TAB2: variants seen among roughly 807,000 people sequenced by gnomAD.
TAB2 encodes TGF-beta activated kinase 1 (MAP3K7) binding protein 2.
A neutral mutation model predicts 65.0 loss-of-function variants in TAB2; 3 were observed. The ratio of observed to expected loss-of-function variants is 0.05; its 90% CI spans 0.02 to 0.12. The LOEUF is 0.12. TAB2 is among the 10% of genes least tolerant of loss of function. The pLI is 1.00. For synonymous variants in TAB2, 298 were observed against 285.1 expected, an observed-to-expected ratio of 1.05 and a Z score of -0.46; for missense variants, 623 against 840.3, an observed-to-expected ratio of 0.74 and a Z score of 3.20.
chr6:149,274,303 T>A (rs1583059175), intron 1 of TAB2, among the ~76,000 whole-genome samples: 1 of 152,260 alleles, frequency 6.6e-6, no homozygotes, highest in East Asian at 1.9e-4. Context: ...GAGCACTTGC[T>A]CTCAGTAACG....
At chr6:149,246,203 C>G (rs913147159) in intron 1 of TAB2, 5 of 152,304 alleles carry the variant, frequency 3.3e-5, no homozygotes, top group Admixed American at 1.3e-4. Flanking sequence ...AGGCATGAGC[C>G]ACCACGCCCG....
chr6:149,300,101 C>G (rs73609058), intron 1 of TAB2, among the ~76,000 whole-genome samples: 3,490 of 152,142 alleles, frequency 0.023, 110 homozygotes, highest in African/African-American at 0.075. Flanking sequence ...ATTTTTGTCT[C>G]TATGTATTAA....
At chr6:149,288,782 T>C (rs568721062) in intron 1 of TAB2, among the ~76,000 whole-genome samples, 1 of 152,224 alleles carries the variant, frequency 6.6e-6, no homozygotes, top group South Asian at 2.1e-4. Flanking sequence ...AGCTTTATTT[T>C]AAGGCAATGG....
intron 1 of TAB2, among the ~76,000 whole-genome samples, chr6:149,280,778 A>C (rs1020232427): frequency 6.6e-6 from 1 of 152,080 alleles, no homozygotes; most frequent in Non-Finnish European, 1.5e-5. Context: ...CATCTCTACA[A>C]AAAATTAGTC....
intron 6 of TAB2, among the ~76,000 whole-genome samples, chr6:149,405,688 A>G (rs1782639973): frequency 6.6e-6 from 1 of 152,200 alleles, no homozygotes; most frequent in African/African-American, 2.4e-5. Context: ...GTAGAATTCA[A>G]AAATATCAAA....
chr6:149,261,270 A>G (rs1778147198), intron 1 of TAB2, among the ~76,000 whole-genome samples: 1 of 152,200 alleles, frequency 6.6e-6, no homozygotes, highest in African/African-American at 2.4e-5. Flanking sequence ...ATAAAGGAAA[A>G]TGAAGAGGCA....
chr6:149,297,074 CTT>C (rs1484005697), intron 1 of TAB2, among the ~76,000 whole-genome samples: 3 of 151,938 alleles, frequency 2.0e-5, no homozygotes, highest in Admixed American at 6.6e-5. Flanking sequence ...CTCTCTCTCT[CTT>C]TCTTCTCCTC....
rs1583049186 is a variant in TAB2 at position 149,254,121 on chromosome 6, A to AAGGAAGGAC, written c.-121+35348_-121+35349insAAGGACAGG. On this transcript the variant is annotated intron_variant, in intron 1 of 1. Transcript: ENST00000606202. Reference sequence around the variant, plus strand: ...AGGAAGGAAGGAAGGAAGGACAGGGAAGGGAAGGGAAAGGAAAGGAAAGGA... The same window carrying AAGGAAGGAC: ...AGGAAGGAAGGAAGGAAGGACAGGGAAGGAAGGACAGGGAAGGGAAAGGAAAGGAAAGGA... Among the ~76,000 whole-genome samples, 6 of 139,508 alleles carry AAGGAAGGAC rather than the reference A, an allele frequency of 4.3e-5. No individual in the cohort carries two copies. The East Asian group carries it at 1.5e-3, about 34-fold the overall frequency. The allele number at this position is 139,508 out of a possible 152,430, so 91.5% of individuals were successfully genotyped here. A position where few individuals can be genotyped will look rare whatever the true frequency, so the allele number is the denominator to read the frequency against.
At chr6:149,354,334 A>G (rs1780586731) in intron 1 of TAB2, among the ~76,000 whole-genome samples, 4 of 152,218 alleles carry the variant, frequency 2.6e-5, no homozygotes. Context: ...TATACTTAAT[A>G]TGTTAGGTAG....
intron 1 of TAB2, among the ~76,000 whole-genome samples, chr6:149,324,227 A>G (rs940363426): frequency 6.6e-6 from 1 of 152,174 alleles, no homozygotes; most frequent in Non-Finnish European, 1.5e-5. Flanking sequence ...AGAAGCAGCA[A>G]GAGTATAGGA....
At chr6:149,395,663 C>T (rs1365887430) in intron 3 of TAB2, among the ~76,000 whole-genome samples, 3 of 151,244 alleles carry the variant, frequency 2.0e-5, no homozygotes, top group African/African-American at 7.3e-5. Context: ...TCTGCTGCTC[C>T]CCTGCCCTGC....
intron 6 of TAB2, among the ~76,000 whole-genome samples, chr6:149,403,234 TAAA>T (rs745966790): frequency 0.024 from 1,552 of 66,012 alleles, 43 homozygotes; most frequent in Admixed American, 0.031. Flanking sequence ...AACTCTTGTC[TAAA>T]AAAAAAAAAA....
At chr6:149,342,160 G>A (rs1178775745) in intron 1 of TAB2, among the ~76,000 whole-genome samples, 1 of 151,986 alleles carries the variant, frequency 6.6e-6, no homozygotes, top group Non-Finnish European at 1.5e-5. Flanking sequence ...GAATTACCAA[G>A]TATTTTTAAA....
At chr6:149,285,273 C>A (rs1778656503) in intron 1 of TAB2, among the ~76,000 whole-genome samples, 1 of 152,170 alleles carries the variant, frequency 6.6e-6, no homozygotes, top group Non-Finnish European at 1.5e-5. Context: ...AATGGGCAGA[C>A]CAAAAGCAGG....
chr6:149,240,158 GAAGATTCCCT>G (rs1383876516), intron 1 of TAB2, among the ~76,000 whole-genome samples: 1 of 152,190 alleles, frequency 6.6e-6, no homozygotes, highest in East Asian at 1.9e-4. Flanking sequence ...ACATCTTATA[GAAGATTCCCT>G]AAGGACTGGG....
chr6:149,322,853 A>G (rs1267129570), intron 1 of TAB2, among the ~76,000 whole-genome samples: 1 of 152,184 alleles, frequency 6.6e-6, no homozygotes, highest in African/African-American at 2.4e-5. Flanking sequence ...TTTTATACAA[A>G]TTATTAAGGA....
chr6:149,358,240 C>T (rs558272053), intron 1 of TAB2, among the ~76,000 whole-genome samples: 3 of 152,220 alleles, frequency 2.0e-5, no homozygotes, highest in South Asian at 2.1e-4. Flanking sequence ...GGATGAGACC[C>T]ACATCTAAAC....
At chr6:149,281,708 A>G (rs1296709970) in intron 1 of TAB2, among the ~76,000 whole-genome samples, 1 of 152,044 alleles carries the variant, frequency 6.6e-6, no homozygotes, top group Non-Finnish European at 1.5e-5. Context: ...ATATAAATGT[A>G]AATGGGACCT....
chr6:149,235,578 G>T (rs187961014), intron 1 of TAB2, among the ~76,000 whole-genome samples: 3 of 152,310 alleles, frequency 2.0e-5, no homozygotes, highest in African/African-American at 7.2e-5. Flanking sequence ...AGAACATGAA[G>T]GAGTTCACCA....
Sources: gnomAD v4.1 joint callset for allele counts (sites outside exome capture counted in the v4.1 genomes callset) on GRCh38, gnomAD v4.1.1 for gene constraint, MANE v1.5 for transcripts, NCBI Gene and HGNC (gene_info 2026-07-23, HGNC 2026-07-21) for gene names.